TAFA1: variants seen among roughly 807,000 people sequenced by gnomAD.
TAFA1 encodes TAFA chemokine like family member 1.
In TAFA1, 4 loss-of-function variants were observed where a neutral mutation model predicts 18.5. The ratio of observed to expected loss-of-function variants is 0.22; its 90% CI spans 0.11 to 0.49. The LOEUF is 0.49. TAFA1 is among the 20% of genes least tolerant of loss of function. TAFA1 has a pLI of 0.98. For synonymous variants in TAFA1, 56 were observed against 55.2 expected, an observed-to-expected ratio of 1.01 and a Z score of -0.06; for missense variants, 147 against 169.0, an observed-to-expected ratio of 0.87 and a Z score of 0.72.
At chr3:68,134,840 C>T (rs1189371475) in intron 2 of TAFA1, among the ~76,000 whole-genome samples, 5 of 152,158 alleles carry the variant, frequency 3.3e-5, no homozygotes, top group Admixed American at 3.3e-4. Context: ...CTTTCTTATT[C>T]AAACAATATG....
intron 3 of TAFA1, among the ~76,000 whole-genome samples, chr3:68,521,141 C>T (rs6419764): frequency 0.79 from 120,143 of 152,130 alleles, 47,532 homozygotes; most frequent in East Asian, 0.9. Flanking sequence ...CTGTCATATA[C>T]GCATTTCAGA....
chr3:68,019,786 C>G (rs1017682736), intron 2 of TAFA1, among the ~76,000 whole-genome samples: 1 of 151,770 alleles, frequency 6.6e-6, no homozygotes, highest in Admixed American at 6.6e-5. Context: ...ACAACAACAA[C>G]GAAAACAACA....
At chr3:68,415,640 A>T (rs1396157360) in intron 2 of TAFA1, among the ~76,000 whole-genome samples, 1 of 152,124 alleles carries the variant, frequency 6.6e-6, no homozygotes, top group East Asian at 1.9e-4. Flanking sequence ...AGATATAAAT[A>T]ATATCTAGTC....
At chr3:68,323,615 C>G (rs1465892622) in intron 2 of TAFA1, among the ~76,000 whole-genome samples, 9 of 152,074 alleles carry the variant, frequency 5.9e-5, no homozygotes, top group Non-Finnish European at 1.3e-4. Context: ...TAGTTTTAAG[C>G]TGAAAGGGGA....
At chr3:68,337,333 C>G (rs2068989405) in intron 2 of TAFA1, among the ~76,000 whole-genome samples, 1 of 151,930 alleles carries the variant, frequency 6.6e-6, no homozygotes, top group Non-Finnish European at 1.5e-5. Flanking sequence ...CACATTTAAA[C>G]AATCATATCT....
intron 2 of TAFA1, among the ~76,000 whole-genome samples, chr3:68,407,893 A>C (rs916407074): frequency 1.3e-5 from 2 of 152,246 alleles, no homozygotes; most frequent in East Asian, 3.9e-4. Context: ...TCAAGCAGCT[A>C]TTTTGCCCTC....
At chr3:68,320,999 C>T (rs1324968096) in intron 2 of TAFA1, among the ~76,000 whole-genome samples, 1 of 152,188 alleles carries the variant, frequency 6.6e-6, no homozygotes, top group African/African-American at 2.4e-5. Context: ...TTTTCATATA[C>T]ATTGGGGGCC....
chr3:68,058,972 A>G (rs549699533), intron 2 of TAFA1, among the ~76,000 whole-genome samples: 1 of 152,140 alleles, frequency 6.6e-6, no homozygotes, highest in Non-Finnish European at 1.5e-5. Context: ...AATTGTGGAG[A>G]TATTTGCTAT....
chr3:68,269,649 T>C (rs2220666), intron 2 of TAFA1, among the ~76,000 whole-genome samples: 1,978 of 151,556 alleles, frequency 0.013, 46 homozygotes, highest in African/African-American at 0.046. Flanking sequence ...TGGCCAGGAG[T>C]GATGGCTCAT....
intron 3 of TAFA1, among the ~76,000 whole-genome samples, chr3:68,499,151 G>A (rs953777939): frequency 6.6e-6 from 1 of 151,920 alleles, no homozygotes; most frequent in Non-Finnish European, 1.5e-5. Context: ...TCTGAGATCT[G>A]TGCAGAATTT....
At chr3:68,534,443 C>A (rs952200709) in intron 3 of TAFA1, among the ~76,000 whole-genome samples, 1 of 152,072 alleles carries the variant, frequency 6.6e-6, no homozygotes. Context: ...AATTTGTATG[C>A]CTTTTTTTCC....
At chr3:68,115,057 G>A (rs2065308983) in intron 2 of TAFA1, among the ~76,000 whole-genome samples, 1 of 152,156 alleles carries the variant, frequency 6.6e-6, no homozygotes, top group East Asian at 1.9e-4. Context: ...AAACAAGGAA[G>A]TGATAAGTAA....
intron 2 of TAFA1, among the ~76,000 whole-genome samples, chr3:68,179,396 T>C (rs1010960695): frequency 6.6e-6 from 1 of 152,210 alleles, no homozygotes; most frequent in Non-Finnish European, 1.5e-5. Context: ...GGAATTCTGA[T>C]CTTCATTAGG....
chr3:67,992,995 G>C, the TAFA1 span, among the ~76,000 whole-genome samples: 6 of 152,228 alleles, frequency 3.9e-5, no homozygotes, highest in Non-Finnish European at 5.9e-5. Flanking sequence ...CTGATGATCA[G>C]AGAATGGTCT....
chr3:68,361,759 C>G (rs768458707), intron 2 of TAFA1, among the ~76,000 whole-genome samples: 2 of 151,924 alleles, frequency 1.3e-5, no homozygotes, highest in Non-Finnish European at 2.9e-5. Context: ...TATTTGTAAC[C>G]TTTTGTGTTA....
chr3:68,339,136 T>A (rs1020552820), intron 2 of TAFA1, among the ~76,000 whole-genome samples: 5 of 152,224 alleles, frequency 3.3e-5, no homozygotes, highest in African/African-American at 1.2e-4. Context: ...TTAGTGTGGA[T>A]GCTGAGAGCA....
intron 2 of TAFA1, among the ~76,000 whole-genome samples, chr3:68,081,668 C>A (rs1364432087): frequency 6.6e-6 from 1 of 152,136 alleles, no homozygotes. Flanking sequence ...CAGTCTGCCC[C>A]TTCTCAGATC....
chr3:68,101,854 C>T (rs1399954149), intron 2 of TAFA1, among the ~76,000 whole-genome samples: 1 of 152,042 alleles, frequency 6.6e-6, no homozygotes, highest in Non-Finnish European at 1.5e-5. Context: ...TGGACAACTC[C>T]TGATGCTTAT....
intron 2 of TAFA1, among the ~76,000 whole-genome samples, chr3:68,227,556 A>G (rs1292110854): frequency 6.6e-6 from 1 of 152,240 alleles, no homozygotes; most frequent in African/African-American, 2.4e-5. Flanking sequence ...CCATGTAGCA[A>G]GTCTCCATAC....
Sources: allele counts gnomAD v4.1 joint callset (sites outside exome capture counted in the v4.1 genomes callset), GRCh38; gene constraint gnomAD v4.1.1; transcripts MANE v1.5; gene names NCBI Gene and HGNC (gene_info 2026-07-23, HGNC 2026-07-21).